The following IL23R variants were observed in gnomAD, a reference collection of about 807,000 sequenced individuals.
The protein encoded by IL23R is interleukin-23 receptor.
In IL23R, 34 loss-of-function variants were observed where a neutral mutation model predicts 56.9. The ratio of observed to expected loss-of-function variants is 0.60; its 90% confidence interval spans 0.45 to 0.80. IL23R has a LOEUF of 0.80. Ranked by LOEUF, IL23R falls within the 30% of genes least tolerant of loss-of-function variation. IL23R has a pLI of 0.00. For missense variants in IL23R, 635 were observed against 730.0 expected, an observed-to-expected ratio of 0.87 and a Z score of 1.50; for synonymous variants, 230 against 249.2, an observed-to-expected ratio of 0.92 and a Z score of 0.73.
intron 1 of IL23R, among the ~76,000 whole-genome samples, chr1:67,153,508 T>C (rs1255096334): frequency 1.3e-5 from 2 of 152,166 alleles, no homozygotes; most frequent in African/African-American, 4.8e-5. Context: ...TTGTTTGCTC[T>C]TGCTTCTCTG....
chr1:67,194,868 A>T (rs1648018178), intron 4 of IL23R, among the ~76,000 whole-genome samples: 1 of 152,220 alleles, frequency 6.6e-6, no homozygotes, highest in Admixed American at 6.5e-5. Flanking sequence ...TTTACGTTTC[A>T]TCTTATTTCA....
chr1:67,236,883 C>A, intron 8 of IL23R, 81 bp downstream of exon 8: 1 of 905,284 alleles, frequency 1.1e-6, no homozygotes, highest in Non-Finnish European at 1.9e-6. Context: ...AAAATCACAT[C>A]AGGTGTTAAG....
chr1:67,161,037 A>T (rs926203892), intron 1 of IL23R, among the ~76,000 whole-genome samples: 5 of 152,242 alleles, frequency 3.3e-5, no homozygotes, highest in African/African-American at 1.2e-4. Flanking sequence ...AATAAGTAAT[A>T]ATAATGTGTC....
intron 4 of IL23R, among the ~76,000 whole-genome samples, chr1:67,191,314 C>A (rs1442954969): frequency 6.6e-6 from 1 of 152,218 alleles, no homozygotes; most frequent in Non-Finnish European, 1.5e-5. Context: ...CAGCCTCCCT[C>A]ATTGACTAAT....
At chr1:67,188,800 A>G (rs902504417) in intron 4 of IL23R, among the ~76,000 whole-genome samples, 1 of 152,128 alleles carries the variant, frequency 6.6e-6, no homozygotes, top group African/African-American at 2.4e-5. Flanking sequence ...AACCTCTTTT[A>G]TAGGGGCACT....
At chr1:67,252,804 CAAAA>C (rs1207921503) in intron 9 of IL23R, among the ~76,000 whole-genome samples, 2 of 53,480 alleles carry the variant, frequency 3.7e-5, no homozygotes, top group East Asian at 1.8e-3. Flanking sequence ...AATTTATAGA[CAAAA>C]AAAAAAAAAA....
At chr1:67,171,142 C>A (rs1646938400) in intron 3 of IL23R, among the ~76,000 whole-genome samples, 1 of 152,010 alleles carries the variant, frequency 6.6e-6, no homozygotes, top group African/African-American at 2.4e-5. Flanking sequence ...ACTATTTATC[C>A]TTTGGGGGTG....
intron 3 of IL23R, among the ~76,000 whole-genome samples, chr1:67,181,415 T>A (rs2102583184): frequency 6.6e-6 from 1 of 152,360 alleles, no homozygotes; most frequent in African/African-American, 2.4e-5. Context: ...TGTCTTCCAG[T>A]TGATCGAATT....
At chr1:67,157,026 C>T (rs540575518) in intron 1 of IL23R, among the ~76,000 whole-genome samples, 1 of 152,194 alleles carries the variant, frequency 6.6e-6, no homozygotes, top group Admixed American at 6.5e-5. Flanking sequence ...CAGTCCCTTA[C>T]CGCTTCACTT....
At chr1:67,217,730 A>G (rs1328399454) in intron 6 of IL23R, among the ~76,000 whole-genome samples, 1 of 150,456 alleles carries the variant, frequency 6.6e-6, no homozygotes, top group Non-Finnish European at 1.5e-5. Flanking sequence ...TATCATTCAG[A>G]GTTTCCATAA....
chr1:67,158,158 G>A (rs1646786290), intron 1 of IL23R, among the ~76,000 whole-genome samples: 1 of 152,076 alleles, frequency 6.6e-6, no homozygotes, highest in Non-Finnish European at 1.5e-5. Flanking sequence ...TGAGTTTGCA[G>A]TGAGCCGAGA....
chr1:67,252,308 C>T (rs1026813645), intron 9 of IL23R, among the ~76,000 whole-genome samples: 1 of 152,096 alleles, frequency 6.6e-6, no homozygotes, highest in Non-Finnish European at 1.5e-5. Context: ...TTTCCAAATG[C>T]CAAATTTTAC....
chr1:67,180,266 A>C (rs879097687), intron 3 of IL23R, among the ~76,000 whole-genome samples: 1 of 152,116 alleles, frequency 6.6e-6, no homozygotes, highest in African/African-American at 2.4e-5. Flanking sequence ...GTCTCTTTGT[A>C]GGTCTCTAAG....
intron 3 of IL23R, 58 bp downstream of exon 3, chr1:67,169,696 C>T: frequency 2.1e-6 from 3 of 1,403,908 alleles, no homozygotes; most frequent in Non-Finnish European, 3.0e-6. Flanking sequence ...ATTAACTGGT[C>T]ATTACCACAC....
chr1:67,248,239 T>C (rs1652372043), intron 9 of IL23R, among the ~76,000 whole-genome samples: 1 of 152,206 alleles, frequency 6.6e-6, no homozygotes, highest in African/African-American at 2.4e-5. Flanking sequence ...TCTTGTCACT[T>C]TTAGGTACAC....
At chr1:67,216,627 G>T (rs987430260) in intron 6 of IL23R, among the ~76,000 whole-genome samples, 1 of 152,110 alleles carries the variant, frequency 6.6e-6, no homozygotes, top group African/African-American at 2.4e-5. Flanking sequence ...TTCATTTTTG[G>T]ACACTGAAAT....
At chr1:67,193,357 C>A (rs1288928141) in intron 4 of IL23R, among the ~76,000 whole-genome samples, 1 of 152,194 alleles carries the variant, frequency 6.6e-6, no homozygotes, top group African/African-American at 2.4e-5. Context: ...AAAATGTGTG[C>A]TTCATGACAG....
chr1:67,183,096 A>G (rs1011254865), intron 4 of IL23R, 137 bp downstream of exon 4: 29 of 1,034,638 alleles, frequency 2.8e-5, no homozygotes, highest in African/African-American at 4.8e-5. Context: ...CCTACTTATG[A>G]TCAGTGAAAC....
chr1:67,264,105 C>T (rs1653282471), downstream of IL23R, among the ~76,000 whole-genome samples: 1 of 152,220 alleles, frequency 6.6e-6, no homozygotes, highest in Non-Finnish European at 1.5e-5. Context: ...GAACCTTACT[C>T]TGCACTTTAG....
Sources: gnomAD v4.1 joint callset for allele counts (sites outside exome capture counted in the v4.1 genomes callset) on GRCh38, gnomAD v4.1.1 for gene constraint, MANE v1.5 for transcripts, NCBI Gene and HGNC (gene_info 2026-07-23, HGNC 2026-07-21) for gene names.